PLD1: variants seen among roughly 807,000 people sequenced by gnomAD.
PLD1 encodes phospholipase D1, also known as choline phosphatase 1.
A neutral mutation model predicts 137.1 loss-of-function variants in PLD1; 112 were observed. That is an observed-to-expected ratio of 0.82 (90% CI 0.70 to 0.96). The LOEUF (loss-of-function observed/expected upper bound fraction) is 0.96, where lower values mean the gene tolerates loss of function less well. Among genes scored for constraint, PLD1 ranks in the 40% least tolerant of loss-of-function variants. The pLI, the probability that PLD1 is intolerant of heterozygous loss-of-function variation, is 0.00. For missense variants in PLD1, 1,321 were observed against 1,342.0 expected (o/e 0.98, Z 0.24); for synonymous variants, 431 against 454.7 (o/e 0.95, Z 0.66).
At chr3:171,656,874 C>T (rs774634329) in intron 21 of PLD1, among the ~76,000 whole-genome samples, 8 of 152,208 alleles carry the variant, frequency 5.3e-5, no homozygotes, top group Non-Finnish European at 1.0e-4. Context: ...AAGGGACTTG[C>T]CTCACTCAAG....
chr3:171,642,788 C>T, intron 23 of PLD1, 52 bp downstream of exon 23: 1 of 956,612 alleles, frequency 1.0e-6, no homozygotes, highest in African/African-American at 1.7e-5. Flanking sequence ...ATTACTGATA[C>T]CTCACCTTCA....
At chr3:171,679,142 C>A (rs753855482) in intron 16 of PLD1, among the ~76,000 whole-genome samples, 1 of 152,172 alleles carries the variant, frequency 6.6e-6, no homozygotes, top group Admixed American at 6.5e-5. Context: ...GAGTGGGAAC[C>A]AAATCTTCTC....
At chr3:171,663,554 T>C (rs1344179141) in intron 19 of PLD1, among the ~76,000 whole-genome samples, 1 of 152,208 alleles carries the variant, frequency 6.6e-6, no homozygotes, top group Non-Finnish European at 1.5e-5. Context: ...GTGTTTGAGC[T>C]GTGGCAGGTC....
At chr3:171,613,577 T>C (rs1732859160) in intron 24 of PLD1, among the ~76,000 whole-genome samples, 1 of 152,236 alleles carries the variant, frequency 6.6e-6, no homozygotes, top group Admixed American at 6.5e-5. Flanking sequence ...TCTGCTTTCT[T>C]GCCTCCCTCA....
At chr3:171,622,320 C>T (rs979478510) in intron 23 of PLD1, among the ~76,000 whole-genome samples, 1 of 152,110 alleles carries the variant, frequency 6.6e-6, no homozygotes, top group African/African-American at 2.4e-5. Context: ...TCTGATTCAG[C>T]GGAAATCAAT....
At position 171,677,201 on chromosome 3, in the gene PLD1, C is replaced by T. The variant is rs369227325; in HGVS notation, c.1996+365G>A. On this transcript the variant is annotated intron_variant, in intron 17 of 26. Transcript: ENST00000351298. ...CTATCTCCTCTTAAACATATAAACC[C>T]AGTGATAACCTGAAAATATGCCATT... Among the ~76,000 whole-genome samples the T allele has an allele frequency of 7.2e-5, 11 of 152,172 alleles. No homozygotes were observed. The South Asian group carries it at 8.3e-4, about 12-fold the overall frequency.
Position 171,738,102 on chromosome 3 carries a change from T to C in PLD1, c.-31-20A>G, listed in dbSNP as rs1240837735. ...AAGGGGCTAGGAAAGAAGAAAACGG[T>C]TACAAAGACTTAGCATTTTGATAAC... On this transcript the variant is annotated intron_variant, in intron 1 of 26. Coordinates refer to ENST00000351298, the MANE Select transcript of PLD1 (RefSeq NM_002662.5). 1.4e-6 allele frequency: 2 copies of C among 1,396,042 alleles called. No homozygotes were observed. Among genetic ancestry groups the C allele is most frequent in the African/African-American group, 1.4e-5 (1 of 69,350 alleles). The allele number at this position is 1,396,042 out of a possible 1,614,324, so 86.5% of individuals were successfully genotyped here.
chr3:171,762,635 C>T (rs1428131854), intron 1 of PLD1, among the ~76,000 whole-genome samples: 1 of 152,108 alleles, frequency 6.6e-6, no homozygotes, highest in Admixed American at 6.5e-5. Flanking sequence ...TAGGAGCTCA[C>T]GTGAGTGGAA....
chr3:171,650,042 C>T (rs1736592640), intron 21 of PLD1, among the ~76,000 whole-genome samples: 1 of 152,158 alleles, frequency 6.6e-6, no homozygotes, highest in South Asian at 2.1e-4. Context: ...TGTTAACTTC[C>T]CCCACTCTGT....
At chr3:171,671,889 T>C (rs1220683352) in intron 19 of PLD1, among the ~76,000 whole-genome samples, 1 of 152,040 alleles carries the variant, frequency 6.6e-6, no homozygotes, top group Non-Finnish European at 1.5e-5. Flanking sequence ...TGCATCATGC[T>C]TCTTGCCCAA....
chr3:171,640,751 T>G (rs1306124560), intron 23 of PLD1, among the ~76,000 whole-genome samples: 1 of 152,152 alleles, frequency 6.6e-6, no homozygotes, highest in African/African-American at 2.4e-5. Context: ...CCTGGGCCGT[T>G]GCACACAGCC....
chr3:171,640,443 T>C (rs577666664), intron 23 of PLD1, among the ~76,000 whole-genome samples: 2 of 152,326 alleles, frequency 1.3e-5, no homozygotes, highest in African/African-American at 4.8e-5. Context: ...TAGAAGTATA[T>C]TGTATAATTT....
chr3:171,735,679 C>CAA (rs1490942932), intron 3 of PLD1, 42 bp from the exon 4 acceptor site: 2 of 1,142,532 alleles, frequency 1.8e-6, no homozygotes, highest in Non-Finnish European at 2.6e-6. Flanking sequence ...TAGATAACAA[C>CAA]AAAAATTCCA....
intron 1 of PLD1, among the ~76,000 whole-genome samples, chr3:171,777,138 T>C (rs1031423184): frequency 2.6e-5 from 4 of 152,266 alleles, no homozygotes; most frequent in Non-Finnish European, 5.9e-5. Flanking sequence ...TGTTCATGGA[T>C]GGATCTTTAA....
At chr3:171,747,628 C>T (rs954721016) in intron 1 of PLD1, among the ~76,000 whole-genome samples, 2 of 152,160 alleles carry the variant, frequency 1.3e-5, no homozygotes, top group Admixed American at 1.3e-4. Flanking sequence ...ACCATCCTGG[C>T]TCCTGCAGAA....
chr3:171,615,889 T>A (rs1434965471), intron 24 of PLD1, among the ~76,000 whole-genome samples: 1 of 152,226 alleles, frequency 6.6e-6, no homozygotes, highest in African/African-American at 2.4e-5. Context: ...TAGGCGTGGG[T>A]TGCTAAGCTG....
intron 24 of PLD1, among the ~76,000 whole-genome samples, chr3:171,617,997 T>A (rs148984644): frequency 4.6e-5 from 7 of 152,252 alleles, no homozygotes; most frequent in African/African-American, 1.4e-4. Flanking sequence ...ATAGGGTGAA[T>A]GTGTTAGAAC....
chr3:171,743,069 A>G (rs906662340), intron 1 of PLD1, among the ~76,000 whole-genome samples: 1 of 152,166 alleles, frequency 6.6e-6, no homozygotes, highest in East Asian at 1.9e-4. Context: ...TATCCTTACT[A>G]TGAGTGTAAC....
chr3:171,662,210 G>T, intron 19 of PLD1, 40 bp from the exon 20 acceptor site: 1 of 1,102,360 alleles, frequency 9.1e-7, no homozygotes, highest in Non-Finnish European at 1.4e-6. Flanking sequence ...TATTAGCAAT[G>T]GAGAGGACAT....
Sources: gnomAD v4.1 joint callset for allele counts (sites outside exome capture counted in the v4.1 genomes callset) on GRCh38, gnomAD v4.1.1 for gene constraint, MANE v1.5 for transcripts, NCBI Gene and HGNC (gene_info 2026-07-23, HGNC 2026-07-21) for gene names.